TMEM132D: variants seen among roughly 807,000 people sequenced by gnomAD.
TMEM132D encodes the protein transmembrane protein 132D, also known as mature OL transmembrane protein.
In TMEM132D, 21 loss-of-function variants were observed where a neutral mutation model predicts 62.3. The ratio of observed to expected loss-of-function variants is 0.34; its 90% CI spans 0.24 to 0.49. The LOEUF (loss-of-function observed/expected upper bound fraction) is 0.49, where lower values mean the gene tolerates loss of function less well. Among genes scored for constraint, TMEM132D ranks in the 20% least tolerant of loss-of-function variants. The probability of loss-of-function intolerance (pLI) is 0.99; values close to 1 mark genes in which losing one functional copy is unlikely to be tolerated. For missense variants in TMEM132D, 1,346 were observed against 1,402.8 expected (o/e 0.96, Z 0.65); for synonymous variants, 621 against 575.6 (o/e 1.08, Z -1.13).
chr12:129,463,304 T>C (rs1593021084), intron 3 of TMEM132D, among the ~76,000 whole-genome samples: 1 of 152,034 alleles, frequency 6.6e-6, no homozygotes, highest in South Asian at 2.1e-4. Context: ...TTATTTTGGG[T>C]CTCCAGAAAT....
intron 2 of TMEM132D, among the ~76,000 whole-genome samples, chr12:129,610,635 T>G (rs1306275751): frequency 6.6e-6 from 1 of 152,144 alleles, no homozygotes; most frequent in African/African-American, 2.4e-5. Flanking sequence ...TAGCCCAGAT[T>G]GCTTGCATAG....
At chr12:129,771,392 A>G (rs1225211280) in intron 1 of TMEM132D, among the ~76,000 whole-genome samples, 2 of 152,198 alleles carry the variant, frequency 1.3e-5, no homozygotes, top group Non-Finnish European at 2.9e-5. Context: ...GATAACATAC[A>G]TAAGCTGCTT....
At chr12:129,518,292 A>G (rs2137078963) in intron 3 of TMEM132D, among the ~76,000 whole-genome samples, 1 of 152,312 alleles carries the variant, frequency 6.6e-6, no homozygotes, top group South Asian at 2.1e-4. Flanking sequence ...GCAAGTATCA[A>G]CAAATGAAAG....
intron 2 of TMEM132D, among the ~76,000 whole-genome samples, chr12:129,564,713 C>T (rs374012774): frequency 1.3e-5 from 2 of 152,156 alleles, no homozygotes; most frequent in African/African-American, 4.8e-5. Context: ...GAGGGAACCC[C>T]AAGATATTTT....
intron 4 of TMEM132D, among the ~76,000 whole-genome samples, chr12:129,264,374 G>A (rs1406122564): frequency 1.3e-5 from 2 of 152,042 alleles, no homozygotes; most frequent in African/African-American, 2.4e-5. Context: ...GGGCGACAGA[G>A]CGAAATCCTG....
At chr12:129,826,958 C>A (rs746430613) in intron 1 of TMEM132D, among the ~76,000 whole-genome samples, 1 of 152,166 alleles carries the variant, frequency 6.6e-6, no homozygotes, top group Admixed American at 6.5e-5. Context: ...CAGAAGCTGA[C>A]TAAATAAGTC....
At chr12:129,730,185 T>C (rs1332163637) in intron 1 of TMEM132D, among the ~76,000 whole-genome samples, 20 of 152,210 alleles carry the variant, frequency 1.3e-4, no homozygotes, top group Admixed American at 1.3e-3. Flanking sequence ...GTCTCTCAGT[T>C]ATGTCCTTCA....
intron 1 of TMEM132D, among the ~76,000 whole-genome samples, chr12:129,797,008 G>T (rs996482572): frequency 1.3e-5 from 2 of 152,088 alleles, no homozygotes; most frequent in African/African-American, 2.4e-5. Context: ...TTTAACACCG[G>T]CTTGTTTTCT....
At chr12:129,468,185 T>TTGTG (rs34249925) in intron 3 of TMEM132D, among the ~76,000 whole-genome samples, 30,980 of 151,024 alleles carry the variant, frequency 0.21, 3,262 homozygotes, top group Admixed American at 0.29. Flanking sequence ...ACACAAAGCT[T>TTGTG]TGTGTGTGTG....
At chr12:129,290,947 T>C (rs1400808010) in intron 4 of TMEM132D, among the ~76,000 whole-genome samples, 1 of 152,178 alleles carries the variant, frequency 6.6e-6, no homozygotes, top group Non-Finnish European at 1.5e-5. Flanking sequence ...TTGCATAAAG[T>C]TCATTACTCT....
intron 2 of TMEM132D, among the ~76,000 whole-genome samples, chr12:129,664,098 TAGAG>T (rs1034802450): frequency 1.9e-4 from 29 of 152,232 alleles, no homozygotes; most frequent in Middle Eastern, 3.4e-3. Flanking sequence ...TTTAAAAAAA[TAGAG>T]AGAAGTTTGC....
chr12:129,300,433 TAGG>T (rs1283261495), intron 4 of TMEM132D, among the ~76,000 whole-genome samples: 1 of 152,170 alleles, frequency 6.6e-6, no homozygotes, highest in African/African-American at 2.4e-5. Context: ...CCACCTAACT[TAGG>T]AGTCCACACA....
At chr12:129,775,350 C>G (rs1418116026) in intron 1 of TMEM132D, among the ~76,000 whole-genome samples, 1 of 152,136 alleles carries the variant, frequency 6.6e-6, no homozygotes, top group African/African-American at 2.4e-5. Flanking sequence ...AGATGACAAG[C>G]AGCGACCTTG....
At chr12:129,199,131 A>G (rs1030083560) in intron 5 of TMEM132D, among the ~76,000 whole-genome samples, 12 of 121,298 alleles carry the variant, frequency 9.9e-5, no homozygotes, top group Non-Finnish European at 1.8e-4. Context: ...TTTTTTTGAA[A>G]CAGGGTCTCG....
intron 1 of TMEM132D, among the ~76,000 whole-genome samples, chr12:129,888,455 T>C (rs1874815363): frequency 6.6e-6 from 1 of 152,152 alleles, no homozygotes; most frequent in African/African-American, 2.4e-5. Flanking sequence ...ACCAGCACTT[T>C]GAGAGACCGA....
chr12:129,724,830 G>A (rs1354523566), intron 1 of TMEM132D, among the ~76,000 whole-genome samples: 2 of 152,168 alleles, frequency 1.3e-5, no homozygotes, highest in African/African-American at 4.8e-5. Context: ...GCCTTGTGCT[G>A]TTTTAAGCTA....
intron 2 of TMEM132D, among the ~76,000 whole-genome samples, chr12:129,575,222 A>G (rs155687): frequency 0.46 from 70,307 of 151,376 alleles, 16,729 homozygotes; most frequent in Admixed American, 0.53. Flanking sequence ...TATAACATAC[A>G]AAATATGTTA....
Position 129,480,046 on chromosome 12 carries a change from G to C in TMEM132D, c.1115+51013C>G, listed in dbSNP as rs1417865870. Among the ~76,000 whole-genome samples the C allele has an allele frequency of 6.5e-5, 9 of 139,456 alleles. No individual in the cohort carries two copies. The East Asian group carries it at 1.8e-3, about 27-fold the overall frequency. 91.5% of individuals were successfully genotyped at this position (139,456 alleles called of 152,430 possible). On this transcript the variant is annotated intron_variant, in intron 3 of 8. Coordinates refer to ENST00000422113, the MANE Select transcript of TMEM132D (RefSeq NM_133448.3). Reference sequence around the variant, plus strand: ...TAGAGATTTGAAGAAAGTTCTCACTGTGTCCTAGAGATTTGAAGAAAGTTC... The same window carrying C: ...TAGAGATTTGAAGAAAGTTCTCACTCTGTCCTAGAGATTTGAAGAAAGTTC...
At chr12:129,633,767 A>G (rs1879410424) in intron 2 of TMEM132D, among the ~76,000 whole-genome samples, 1 of 152,050 alleles carries the variant, frequency 6.6e-6, no homozygotes, top group Non-Finnish European at 1.5e-5. Context: ...ACATTGGTTC[A>G]TGTTCTCATT....
Sources: allele counts gnomAD v4.1 joint callset (sites outside exome capture counted in the v4.1 genomes callset), GRCh38; gene constraint gnomAD v4.1.1; transcripts MANE v1.5; gene names NCBI Gene and HGNC (gene_info 2026-07-23, HGNC 2026-07-21).